The following SNTG1 variants were observed in gnomAD, a reference collection of about 807,000 sequenced individuals.
SNTG1 encodes the protein gamma-1-syntrophin.
In SNTG1, 39 loss-of-function variants were observed where a neutral mutation model predicts 74.7. The ratio of observed to expected loss-of-function variants is 0.52; its 90% CI spans 0.40 to 0.68. SNTG1 has a LOEUF of 0.68. Among genes scored for constraint, SNTG1 ranks in the 30% least tolerant of loss-of-function variants. SNTG1 has a pLI of 0.00. For synonymous variants in SNTG1, 254 were observed against 217.1 expected (o/e 1.17, Z -1.49); for missense variants, 685 against 609.5 (o/e 1.12, Z -1.30).
intron 12 of SNTG1, among the ~76,000 whole-genome samples, chr8:50,571,138 T>C (rs1374988947): frequency 6.6e-6 from 1 of 152,168 alleles, no homozygotes; most frequent in Non-Finnish European, 1.5e-5. Context: ...TTTGCTTGTC[T>C]TTCTGGCCAG....
chr8:50,108,676 T>G (rs1244579574), intron 1 of SNTG1, among the ~76,000 whole-genome samples: 1 of 152,202 alleles, frequency 6.6e-6, no homozygotes, highest in Non-Finnish European at 1.5e-5. Context: ...ATATTTTATA[T>G]GCTTTTGTTC....
Position 50,198,048 on chromosome 8 carries a change from G to A in SNTG1, c.-28+25413G>A, listed in dbSNP as rs142238736. Among the ~76,000 whole-genome samples the A allele has an allele frequency of 2.1e-3, 315 of 152,022 alleles. 3 individuals are homozygous for A. The highest frequency in any genetic ancestry group is 6.9e-3 in the African/African-American group (286 of 41,454). ...TACCAATGTCATTATATTTATTTCC[G>A]TACTTTGCAGTTTATCTGCACATTT... On this transcript the variant is annotated intron_variant, in intron 2 of 18. Coordinates refer to ENST00000642720, the MANE Select transcript of SNTG1 (RefSeq NM_018967.5).
intron 1 of SNTG1, among the ~76,000 whole-genome samples, chr8:50,076,637 T>A (rs550471456): frequency 6.6e-6 from 1 of 152,286 alleles, no homozygotes; most frequent in Non-Finnish European, 1.5e-5. Flanking sequence ...GTATTTCAGA[T>A]CTTTCTCTTG....
At chr8:50,622,634 A>C (rs1585873466) in intron 13 of SNTG1, among the ~76,000 whole-genome samples, 2 of 152,128 alleles carry the variant, frequency 1.3e-5, no homozygotes, top group African/African-American at 2.4e-5. Flanking sequence ...TTCTGTTGAA[A>C]TTGTGAATCT....
At chr8:50,051,871 A>G (rs1819606886) in intron 1 of SNTG1, among the ~76,000 whole-genome samples, 1 of 152,076 alleles carries the variant, frequency 6.6e-6, no homozygotes, top group Non-Finnish European at 1.5e-5. Context: ...TCCAAACCAT[A>G]ACAATTTGTA....
intron 8 of SNTG1, among the ~76,000 whole-genome samples, chr8:50,466,796 C>T (rs142382894): frequency 1.7e-4 from 26 of 152,084 alleles, no homozygotes; most frequent in African/African-American, 5.3e-4. Context: ...TTATTGTAAA[C>T]AGTATTGTTT....
At chr8:50,242,860 TTTA>T (rs2086228063) in intron 2 of SNTG1, among the ~76,000 whole-genome samples, 1 of 151,600 alleles carries the variant, frequency 6.6e-6, no homozygotes, top group South Asian at 2.1e-4. Context: ...TATACTACCT[TTTA>T]TTTATTTATG....
intron 1 of SNTG1, among the ~76,000 whole-genome samples, chr8:50,089,800 C>A (rs1054108569): frequency 6.6e-6 from 1 of 152,148 alleles, no homozygotes. Context: ...CACTTTTACA[C>A]TGTCGGTGGG....
intron 12 of SNTG1, among the ~76,000 whole-genome samples, chr8:50,570,591 G>GTTATTATTATTA (rs61229968): frequency 4.3e-4 from 56 of 130,160 alleles, no homozygotes; most frequent in African/African-American, 1.6e-3. Flanking sequence ...TATTATTGTT[G>GTTATTATTATTA]TTATTATTAT....
chr8:49,949,849 G>A (rs1809541666), intron 1 of SNTG1, among the ~76,000 whole-genome samples: 2 of 152,186 alleles, frequency 1.3e-5, no homozygotes. Flanking sequence ...TACTATTAAA[G>A]TATTCCTTGG....
chr8:50,445,652 G>A (rs562251909), intron 5 of SNTG1, among the ~76,000 whole-genome samples: 1 of 152,292 alleles, frequency 6.6e-6, no homozygotes, highest in South Asian at 2.1e-4. Context: ...TACCTGGGCT[G>A]TGCTTTAGAA....
intron 13 of SNTG1, among the ~76,000 whole-genome samples, chr8:50,628,453 C>T (rs573420614): frequency 6.6e-6 from 1 of 152,254 alleles, no homozygotes; most frequent in South Asian, 2.1e-4. Context: ...TTTAGGGTCA[C>T]TAATGATGTA....
intron 2 of SNTG1, among the ~76,000 whole-genome samples, chr8:50,278,613 T>G (rs77217423): frequency 0.017 from 2,520 of 152,192 alleles, 68 homozygotes; most frequent in African/African-American, 0.058. Flanking sequence ...ATTCTCTCAA[T>G]CATATGTTTA....
At chr8:50,433,286 A>C (rs1381425830) in intron 4 of SNTG1, among the ~76,000 whole-genome samples, 2 of 152,170 alleles carry the variant, frequency 1.3e-5, no homozygotes, top group Non-Finnish European at 2.9e-5. Flanking sequence ...TACGTTGACA[A>C]AAAACAAAGA....
intron 15 of SNTG1, among the ~76,000 whole-genome samples, chr8:50,695,513 G>C (rs894652827): frequency 7.0e-6 from 1 of 143,578 alleles, no homozygotes; most frequent in Non-Finnish European, 1.6e-5. Flanking sequence ...TTTATACTTA[G>C]GAAGTACCAG....
chr8:50,626,719 G>A (rs1585885710), intron 13 of SNTG1, among the ~76,000 whole-genome samples: 1 of 152,202 alleles, frequency 6.6e-6, no homozygotes, highest in East Asian at 1.9e-4. Flanking sequence ...TGCCTTGGGT[G>A]GGCCAGGTGT....
intron 12 of SNTG1, among the ~76,000 whole-genome samples, chr8:50,577,417 T>G (rs1226776926): frequency 6.6e-6 from 1 of 151,962 alleles, no homozygotes; most frequent in East Asian, 1.9e-4. Flanking sequence ...GAGGATATTT[T>G]CATTAGGTTC....
intron 1 of SNTG1, among the ~76,000 whole-genome samples, chr8:49,929,584 C>G (rs1389515667): frequency 2.6e-5 from 4 of 152,328 alleles, no homozygotes; most frequent in Admixed American, 2.0e-4. Flanking sequence ...GGGCTGCCCC[C>G]CTCCCATCCC....
chr8:50,389,839 G>T (rs190954133), intron 2 of SNTG1, among the ~76,000 whole-genome samples: 2 of 152,320 alleles, frequency 1.3e-5, no homozygotes, highest in Non-Finnish European at 2.9e-5. Flanking sequence ...GGCCAGTGAT[G>T]ATGAGCATTT....
Sources: gnomAD v4.1 joint callset for allele counts (sites outside exome capture counted in the v4.1 genomes callset) on GRCh38, gnomAD v4.1.1 for gene constraint, MANE v1.5 for transcripts, NCBI Gene and HGNC (gene_info 2026-07-23, HGNC 2026-07-21) for gene names.